GTF2A2: variants seen among roughly 807,000 people sequenced by gnomAD.
The protein encoded by GTF2A2 is transcription initiation factor IIA subunit 2.
Under a neutral mutation model 14.3 loss-of-function variants are expected in GTF2A2, and 9 were observed. The ratio of observed to expected loss-of-function variants is 0.63; its 90% CI spans 0.38 to 1.10. GTF2A2 has a LOEUF of 1.10. Ranked by LOEUF, GTF2A2 falls within the 50% of genes least tolerant of loss-of-function variation. The pLI is 0.01. For missense variants in GTF2A2, 90 were observed against 124.6 expected (o/e 0.72, Z 1.32); for synonymous variants, 56 against 46.0 (o/e 1.22, Z -0.88).
chr15:59,642,055 T>G, intron 4 of GTF2A2, 81 bp downstream of exon 4: 1 of 1,302,954 alleles, frequency 7.7e-7, no homozygotes, highest in East Asian at 2.4e-5. Context: ...CCGTTAGGCT[T>G]TTCATATGGA....
chr15:59,653,332 G>A (rs1165403411), intron 1 of GTF2A2, among the ~76,000 whole-genome samples: 5 of 152,138 alleles, frequency 3.3e-5, no homozygotes, highest in Non-Finnish European at 7.3e-5. Context: ...GGAGATGGAT[G>A]GGGGAAAATA....
intron 3 of GTF2A2, among the ~76,000 whole-genome samples, chr15:59,646,820 C>T (rs553501837): frequency 2.0e-4 from 30 of 152,008 alleles, no homozygotes; most frequent in East Asian, 1.9e-3. Context: ...AAAAGGTAAA[C>T]GTAAGAAATA....
At chr15:59,656,025 C>T (rs1891932870) in intron 1 of GTF2A2, among the ~76,000 whole-genome samples, 2 of 152,212 alleles carry the variant, frequency 1.3e-5, no homozygotes, top group Admixed American at 1.3e-4. Flanking sequence ...ACACTCTAAT[C>T]ACAACTCACA....
At chr15:59,640,190 C>CAAAAACTACTGCAATA (rs1891361451) in intron 4 of GTF2A2, 1 of 93,636 alleles carries the variant, frequency 1.1e-5, no homozygotes. Flanking sequence ...GGAAAATCCT[C>CAAAAACTACTGCAATA]AAAAACTACT....
chr15:59,652,800 C>G (rs1270015426), intron 1 of GTF2A2: 1 of 152,846 alleles, frequency 6.5e-6, no homozygotes, highest in East Asian at 1.9e-4. Context: ...GGCATGCTCC[C>G]AATCCTAAAA....
At chr15:59,648,672 A>C (rs1030748878) in intron 3 of GTF2A2, among the ~76,000 whole-genome samples, 2 of 151,694 alleles carry the variant, frequency 1.3e-5, no homozygotes, top group Non-Finnish European at 2.9e-5. Context: ...CAGTGGCTCA[A>C]GCCTGTAATC....
chr15:59,642,358 A>G (rs536931482), intron 3 of GTF2A2, 96 bp from the exon 4 acceptor site: 208 of 1,037,564 alleles, frequency 2.0e-4, no homozygotes, highest in East Asian at 1.5e-3. Context: ...CAAGAACATA[A>G]TAAGTTTAAT....
chr15:59,644,469 G>C (rs1482246156), intron 3 of GTF2A2: 3 of 152,214 alleles, frequency 2.0e-5, no homozygotes, highest in South Asian at 2.1e-4. Context: ...TAATAAATGA[G>C]TAATTACTGT....
In GTF2A2 at chr15:59,638,333, A is replaced by C. The variant is rs995398879; in HGVS notation, c.*799T>G. ...GGTCAATCCAGTTAACCATGTAAGAAACTCCTCACCTAGGGTCAGTATGTT... is the reference window on the plus strand; with the variant it reads ...GGTCAATCCAGTTAACCATGTAAGACACTCCTCACCTAGGGTCAGTATGTT... On this transcript the variant is annotated 3_prime_UTR_variant, in exon 5 of 5. Transcript: ENST00000396060. 3 of 152,142 alleles carry C rather than the reference A, an allele frequency of 2.0e-5. No individual in the cohort carries two copies. The highest frequency in any genetic ancestry group is 2.0e-4 in the Admixed American group (3 of 15,256). The allele number at this position is 152,142 out of a possible 1,614,324, so 9.4% of individuals were successfully genotyped here. A position where few individuals can be genotyped will look rare whatever the true frequency, so the allele number is the denominator to read the frequency against.
At chr15:59,655,757 T>C (rs1432912035) in intron 1 of GTF2A2, among the ~76,000 whole-genome samples, 1 of 152,226 alleles carries the variant, frequency 6.6e-6, no homozygotes, top group Non-Finnish European at 1.5e-5. Context: ...CTCTATTTGT[T>C]ATCTTTTGCA....
intron 3 of GTF2A2, among the ~76,000 whole-genome samples, chr15:59,649,668 T>C (rs1368700374): frequency 6.6e-6 from 1 of 152,230 alleles, no homozygotes; most frequent in Non-Finnish European, 1.5e-5. Context: ...ATGAAACTGA[T>C]ATATGAGACT....
chr15:59,648,401 C>CAAAAAAAAAA (rs71425875), intron 3 of GTF2A2, among the ~76,000 whole-genome samples: 2 of 90,530 alleles, frequency 2.2e-5, no homozygotes, highest in African/African-American at 9.3e-5. Flanking sequence ...GACTTCGTCT[C>CAAAAAAAAAA]AAAAAAAAAA....
intron 2 of GTF2A2, 34 bp from the exon 3 acceptor site, chr15:59,650,807 G>A (rs1891768116): frequency 9.1e-7 from 1 of 1,097,714 alleles, no homozygotes; most frequent in East Asian, 2.4e-5. Flanking sequence ...ATCCCGTTAA[G>A]GAAGAACATT....
chr15:59,642,932 AGTT>A (rs1566926632), intron 3 of GTF2A2, among the ~76,000 whole-genome samples: 2 of 151,730 alleles, frequency 1.3e-5, no homozygotes, highest in African/African-American at 4.8e-5. Flanking sequence ...ACGCCCAGCT[AGTT>A]TTTTTATTTT....
Position 59,647,381 on chromosome 15 carries a change from G to C in GTF2A2, c.177+3288C>G, listed in dbSNP as rs77476889. On this transcript the variant is annotated intron_variant, in intron 3 of 4. Coordinates refer to ENST00000396060, the MANE Select transcript of GTF2A2 (RefSeq NM_004492.3). ...CCCAAGGTGCTGGGATTACAGGCTT[G>C]AGCTGCAGTGCCAGATAATTATACT... Among the ~76,000 whole-genome samples the C allele has an allele frequency of 2.2e-3, 342 of 152,266 alleles. 9 individuals carry two copies. In the East Asian group the frequency reaches 0.056, roughly 25 times the overall value.
chr15:59,646,033 T>A (rs1182498593), intron 3 of GTF2A2, among the ~76,000 whole-genome samples: 2 of 138,022 alleles, frequency 1.4e-5, no homozygotes, highest in Non-Finnish European at 1.5e-5. Context: ...GGCTCCGCCT[T>A]AAAAAAAAAA....
Position 59,642,249 on chromosome 15 carries a change from G to A in GTF2A2, c.191C>T (p.Thr64Met), listed in dbSNP as rs748287278. 6 of 1,601,172 alleles carry A rather than the reference G, an allele frequency of 3.7e-6. No homozygotes were observed. The highest frequency in any genetic ancestry group is 2.3e-5 in the East Asian group (1 of 44,302). Residue 64 changes from threonine to methionine, a missense_variant, in exon 4 of 5, where the codon ACG becomes ATG. By Grantham distance (81) the Thr-to-Met change is moderately conservative. Coordinates refer to ENST00000396060, the MANE Select transcript of GTF2A2 (RefSeq NM_004492.3). ...NRVNFRGSLN[T>M]YRFCDNVWTF... ...CCACACATTATCGCAGAATCTGTAC[G>A]TATTTAGAGAGCCCTTTAAAACAAA... is the stretch of plus-strand genomic sequence containing the variant.
chr15:59,655,589 T>C (rs1891919067), intron 1 of GTF2A2, among the ~76,000 whole-genome samples: 1 of 152,230 alleles, frequency 6.6e-6, no homozygotes, highest in African/African-American at 2.4e-5. Context: ...AAACTCTTAA[T>C]ATCACAGGAC....
intron 1 of GTF2A2, among the ~76,000 whole-genome samples, chr15:59,653,275 C>T (rs764047765): frequency 8.5e-5 from 13 of 152,178 alleles, no homozygotes; most frequent in African/African-American, 1.7e-4. Context: ...ACTGAGCTTC[C>T]ACTACACGTC....
Sources: allele counts gnomAD v4.1 joint callset (sites outside exome capture counted in the v4.1 genomes callset), GRCh38; gene constraint gnomAD v4.1.1; transcripts MANE v1.5; gene names NCBI Gene and HGNC (gene_info 2026-07-23, HGNC 2026-07-21).